Variants in EIF2D observed in about 807,000 individuals in gnomAD.
EIF2D encodes the protein hepatocellular carcinoma-associated antigen 56.
Under a neutral mutation model 77.4 loss-of-function variants are expected in EIF2D, and 56 were observed. That is an observed-to-expected ratio of 0.72 (90% CI 0.58 to 0.90). The LOEUF (loss-of-function observed/expected upper bound fraction) is 0.90, where lower values mean the gene tolerates loss of function less well. EIF2D is among the 40% of genes least tolerant of loss of function. The pLI is 0.00. For synonymous variants in EIF2D, 230 were observed against 271.0 expected (o/e 0.85, Z 1.49); for missense variants, 574 against 706.5 (o/e 0.81, Z 2.13).
intron 1 of EIF2D, among the ~76,000 whole-genome samples, chr1:206,612,068 C>A (rs1170558614): frequency 6.6e-6 from 1 of 152,246 alleles, no homozygotes; most frequent in African/African-American, 2.4e-5. Flanking sequence ...ACTACGTTTT[C>A]TTTTAAACTC....
At chr1:206,611,720 C>A (rs1411113813) in intron 1 of EIF2D, among the ~76,000 whole-genome samples, 1 of 152,188 alleles carries the variant, frequency 6.6e-6, no homozygotes, top group African/African-American at 2.4e-5. Context: ...CGCAAATATG[C>A]CAGTTTATGA....
chr1:206,586,937 C>G, downstream of EIF2D: 1 of 1,614,194 alleles, frequency 6.2e-7, no homozygotes, highest in Non-Finnish European at 8.5e-7. Context: ...TAGGCAGAAA[C>G]TGGAGGAGGC....
At chr1:206,606,345 G>A (rs1236611954) in intron 4 of EIF2D, among the ~76,000 whole-genome samples, 1 of 152,138 alleles carries the variant, frequency 6.6e-6, no homozygotes, top group African/African-American at 2.4e-5. Context: ...TTCTTTCCCA[G>A]TTCTTAAAAG....
chr1:206,577,761 T>A (rs1258082149), intron 4 of EIF2D, among the ~76,000 whole-genome samples: 6 of 152,220 alleles, frequency 3.9e-5, no homozygotes, highest in Non-Finnish European at 7.3e-5. Context: ...ACCTTTTTTG[T>A]CCACTGTAGG....
At position 206,592,891 on chromosome 1, in the gene EIF2D, CAGG is replaced by C. The variant is rs1433719099; in HGVS notation, c.1684+725_1684+727del. ...CCGAGGCAGGCGGATCATCTGAGGT[CAGG>C]AGTTCAAGACTGGCTTGGTCAACAT... is the stretch of plus-strand genomic sequence containing the variant. On this transcript the variant is annotated intron_variant, in intron 14 of 14. Transcript: ENST00000271764. This position sits in a 1 kb window ranked among gnomAD's most constrained non-coding sequence, Gnocchi z 4.7. Among the ~76,000 whole-genome samples, 1 of 152,104 alleles carries C rather than the reference CAGG, an allele frequency of 6.6e-6. No homozygotes were observed. The highest frequency in any genetic ancestry group is 1.5e-5 in the Non-Finnish European group (1 of 68,014).
chr1:206,598,644 C>T lies in EIF2D; in HGVS notation c.1292+359G>A, dbSNP rs528253025. On this transcript the variant is annotated intron_variant, in intron 11 of 14. Coordinates refer to ENST00000271764, the MANE Select transcript of EIF2D (RefSeq NM_006893.3). Reference sequence around the variant, plus strand: ...GTGCATGTAACAAAATACCATGCACCCCATAAATATGTACAAATATCTATC... The same window carrying T: ...GTGCATGTAACAAAATACCATGCACTCCATAAATATGTACAAATATCTATC... Among the ~76,000 whole-genome samples, 319 of 151,800 alleles carry T rather than the reference C, an allele frequency of 2.1e-3. 1 individual carries two copies. The highest frequency in any genetic ancestry group is 7.5e-3 in the African/African-American group (311 of 41,342).
chr1:206,596,998 A>C, intron 12 of EIF2D, 102 bp downstream of exon 12: 1 of 880,332 alleles, frequency 1.1e-6, no homozygotes, highest in Non-Finnish European at 1.8e-6. Context: ...AATTACAGAA[A>C]GAAAATCAAA....
Position 206,584,584 on chromosome 1 carries a change from C to T in EIF2D, c.139-3422G>A. ...AGCAGCTGCACATCAGCAGCACCAC[C>T]ACCGTCAGTGAGGTCATCCAGGGGC... is the stretch of plus-strand genomic sequence containing the variant. On this transcript the variant is annotated intron_variant and NMD_transcript_variant, in intron 2 of 5. Coordinates refer to the EIF2D transcript ENST00000472709. The surrounding 1 kb of genome is among the most constrained non-coding windows in gnomAD (Gnocchi z 4.9). 1 of 1,614,220 alleles carries T rather than the reference C, an allele frequency of 6.2e-7. No individual in the cohort carries two copies. Among genetic ancestry groups the T allele is most frequent in the Non-Finnish European group, 8.5e-7 (1 of 1,180,040 alleles).
In EIF2D at chr1:206,584,380, C is replaced by G. The variant is rs370014803; in HGVS notation, c.139-3218G>C. 20 of 1,605,552 alleles carry G rather than the reference C, an allele frequency of 1.2e-5. No homozygotes were observed. The highest frequency in any genetic ancestry group is 1.5e-5 in the Non-Finnish European group (18 of 1,174,898). ...CCTGACCCCCTGTGACATGCCCCCG[C>G]TGGCAGAGTGAAGACGGCACCTACA... On this transcript the variant is annotated intron_variant and NMD_transcript_variant, in intron 2 of 5. Coordinates refer to the EIF2D transcript ENST00000472709. The surrounding 1 kb of genome is among the most constrained non-coding windows in gnomAD (Gnocchi z 4.9).
intron 13 of EIF2D, chr1:206,594,809 A>G (rs1175257006): frequency 6.6e-6 from 1 of 152,246 alleles, no homozygotes; most frequent in Admixed American, 6.5e-5. Flanking sequence ...ACAGAAAATT[A>G]GTGTTTACAT....
intron 5 of EIF2D, among the ~76,000 whole-genome samples, chr1:206,604,038 T>G (rs111724852): frequency 1.3e-5 from 2 of 152,208 alleles, no homozygotes; most frequent in Admixed American, 1.3e-4. Flanking sequence ...CCCAGACTGA[T>G]AGTTAAACAA....
intron 12 of EIF2D, among the ~76,000 whole-genome samples, chr1:206,596,437 T>G (rs1257950799): frequency 6.6e-6 from 1 of 152,180 alleles, no homozygotes; most frequent in Non-Finnish European, 1.5e-5. Flanking sequence ...AGACAACACA[T>G]AAATGGATAT....
chr1:206,593,320 T>G lies in EIF2D; in HGVS notation c.1684+299A>C, dbSNP rs531846910. ...AATGGGCCTAGCACAAAAGTTTGGG[T>G]GCTCGCCATATGTTTTATAGAAAGG... On this transcript the variant is annotated intron_variant, in intron 14 of 14. Transcript: ENST00000271764. Among the ~76,000 whole-genome samples the G allele has an allele frequency of 1.2e-3, 178 of 152,068 alleles. 2 individuals are homozygous for G. The highest frequency in any genetic ancestry group is 9.2e-3 in the South Asian group (44 of 4,806).
chr1:206,598,541 G>A (rs545202102), intron 11 of EIF2D, among the ~76,000 whole-genome samples: 48 of 152,146 alleles, frequency 3.2e-4, no homozygotes, highest in Non-Finnish European at 5.9e-4. Context: ...AGGACTTACA[G>A]TGTTCCCGAC....
At chr1:206,587,364 CTT>C (rs1669160226), downstream of EIF2D, 1 of 315,966 alleles carries the variant, frequency 3.2e-6, no homozygotes, top group Non-Finnish European at 6.1e-6. Context: ...ATTGATTCCT[CTT>C]TGAGTTCTCT....
chr1:206,593,793 C>T lies in EIF2D; in HGVS notation c.1510G>A (p.Val504Met), dbSNP rs1352355213. ...TLAQRASNKKVTVVRNLEAYG... is the reference protein window; with the variant it reads ...TLAQRASNKKMTVVRNLEAYG... Reference sequence around the variant, plus strand: ...GCCTCCAAGTTCCGGACCACGGTCACCTGGGGGGACAGTGGGGACAGAGAC... The same window carrying T: ...GCCTCCAAGTTCCGGACCACGGTCATCTGGGGGGACAGTGGGGACAGAGAC... The change falls in exon 14 of 15, where the codon GTG becomes ATG. Residue 504 changes from valine (V) to methionine (M), a missense_variant and splice_region_variant. Transcript: ENST00000271764. 3.2e-5 allele frequency: 51 copies of T among 1,595,672 alleles called. No homozygotes were observed. Among genetic ancestry groups the T allele is most frequent in the Non-Finnish European group, 4.1e-5 (48 of 1,166,586 alleles).
At chr1:206,605,123 G>T in intron 5 of EIF2D, 2 of 259,720 alleles carry the variant, frequency 7.7e-6, no homozygotes, top group East Asian at 7.8e-5. Context: ...ATAAAAAAAC[G>T]AGTATCACTG....
intron 3 of EIF2D, 54 bp downstream of exon 3, chr1:206,609,322 G>C: frequency 6.5e-7 from 1 of 1,530,014 alleles, no homozygotes; most frequent in Non-Finnish European, 9.0e-7. Flanking sequence ...ACATCAGTTG[G>C]CTTTTGCTAA....
rs1340914902 is a variant in EIF2D at position 206,579,629 on chromosome 1, G to A, written c.*254+1063C>T. ...GGGTCTGTCTATTTCAGTTCTTTTC[G>A]AATGTTGCTGCGAATTAAAATCAAC... On this transcript the variant is annotated intron_variant and NMD_transcript_variant, in intron 4 of 5. Transcript: ENST00000472709. This position sits in a 1 kb window ranked among gnomAD's most constrained non-coding sequence, Gnocchi z 4.2. Among the ~76,000 whole-genome samples the A allele has an allele frequency of 1.3e-5, 2 of 152,078 alleles. No homozygotes were observed. Among genetic ancestry groups the A allele is most frequent in the African/African-American group, 2.4e-5 (1 of 41,372 alleles).
Sources: gnomAD v4.1 joint callset for allele counts (sites outside exome capture counted in the v4.1 genomes callset) on GRCh38, gnomAD v4.1.1 for gene constraint, Gnocchi (gnomAD v3.1) non-coding constraint, MANE v1.5 for transcripts, NCBI Gene and HGNC (gene_info 2026-07-23, HGNC 2026-07-21) for gene names.